Variants in CTNNA2 observed in about 807,000 individuals in gnomAD.
CTNNA2 encodes catenin alpha 2, also known as catenin alpha-2.
CTNNA2 carries 42 observed loss-of-function variants against 101.0 expected under a neutral mutation model. The ratio of observed to expected loss-of-function variants is 0.42; its 90% CI spans 0.32 to 0.54. The LOEUF (loss-of-function observed/expected upper bound fraction) is 0.54. Ranked by LOEUF, CTNNA2 falls within the 20% of genes least tolerant of loss-of-function variation. The pLI, the probability that CTNNA2 is intolerant of heterozygous loss-of-function variation, is 0.14. For missense variants in CTNNA2, 871 were observed against 1,223.1 expected, an observed-to-expected ratio of 0.71 and a Z score of 4.29; for synonymous variants, 450 against 456.4, an observed-to-expected ratio of 0.99 and a Z score of 0.18.
chr2:79,967,021 C>T (rs1690115482), intron 7 of CTNNA2, among the ~76,000 whole-genome samples: 1 of 151,966 alleles, frequency 6.6e-6, no homozygotes, highest in African/African-American at 2.4e-5. Flanking sequence ...GTTTCCAAGG[C>T]TGTAAATTCC....
intron 2 of CTNNA2, among the ~76,000 whole-genome samples, chr2:79,265,075 C>T (rs1232705368): frequency 2.0e-5 from 3 of 152,146 alleles, no homozygotes; most frequent in Non-Finnish European, 4.4e-5. Context: ...TATTAACATG[C>T]TTCCAGTGTA....
chr2:80,619,244 T>C lies in CTNNA2; in HGVS notation c.2574+16T>C. 1.3e-6 allele frequency: 2 copies of C among 1,520,946 alleles called. No individual in the cohort carries two copies. Among genetic ancestry groups the C allele is most frequent in the South Asian group, 1.3e-5 (1 of 76,758 alleles). The allele number at this position is 1,520,946 out of a possible 1,614,324, so 94.2% of individuals were successfully genotyped here. A position where few individuals can be genotyped will look rare whatever the true frequency, so the allele number is the denominator to read the frequency against. Reference sequence around the variant, plus strand: ...TTCCTCCATGGTGAGTAAATTGACTTTCTAATCTAATGTCTTTCATTGTAA... The same window carrying C: ...TTCCTCCATGGTGAGTAAATTGACTCTCTAATCTAATGTCTTTCATTGTAA... On this transcript the variant is annotated intron_variant, in intron 18 of 18. Transcript: ENST00000402739.
chr2:79,252,181 G>T (rs1051636797), intron 2 of CTNNA2, among the ~76,000 whole-genome samples: 1 of 152,064 alleles, frequency 6.6e-6, no homozygotes, highest in Non-Finnish European at 1.5e-5. Context: ...GAATATAGAG[G>T]TAAAAATGGG....
intron 3 of CTNNA2, among the ~76,000 whole-genome samples, chr2:79,759,047 A>C (rs1238650963): frequency 1.3e-5 from 2 of 152,200 alleles, no homozygotes; most frequent in African/African-American, 2.4e-5. Flanking sequence ...TTGTGGAGCT[A>C]AGCAGACACA....
At chr2:80,364,911 G>A (rs1224087364) in intron 7 of CTNNA2, among the ~76,000 whole-genome samples, 1 of 152,134 alleles carries the variant, frequency 6.6e-6, no homozygotes, top group African/African-American at 2.4e-5. Context: ...GGAGAACAGG[G>A]AAGAAACTCG....
At chr2:79,210,455 C>G (rs534503531) in intron 2 of CTNNA2, among the ~76,000 whole-genome samples, 109 of 152,156 alleles carry the variant, frequency 7.2e-4, no homozygotes, top group African/African-American at 2.4e-3. Flanking sequence ...TCCCCTCCCA[C>G]AGCACACACA....
At chr2:80,212,999 A>G (rs1378116718) in intron 7 of CTNNA2, among the ~76,000 whole-genome samples, 1 of 151,548 alleles carries the variant, frequency 6.6e-6, no homozygotes, top group Admixed American at 6.6e-5. Flanking sequence ...GTTTATTTGC[A>G]CAGAGGTGTT....
At chr2:79,231,586 T>C (rs1674494034) in intron 2 of CTNNA2, among the ~76,000 whole-genome samples, 1 of 152,244 alleles carries the variant, frequency 6.6e-6, no homozygotes, top group South Asian at 2.1e-4. Context: ...TAGATTTCTC[T>C]GGTTCTGGGA....
chr2:79,316,236 T>C (rs1676493211), intron 3 of CTNNA2, among the ~76,000 whole-genome samples: 1 of 152,086 alleles, frequency 6.6e-6, no homozygotes, highest in Admixed American at 6.6e-5. Flanking sequence ...TTGACACCTT[T>C]GTTAAAATCC....
intron 9 of CTNNA2, among the ~76,000 whole-genome samples, chr2:80,444,979 T>A (rs1243851465): frequency 6.6e-6 from 1 of 152,042 alleles, no homozygotes; most frequent in African/African-American, 2.4e-5. Context: ...CAACCAAAAA[T>A]ATATCCACAC....
At chr2:79,469,249 A>C (rs1670972301) in intron 4 of CTNNA2, among the ~76,000 whole-genome samples, 1 of 152,172 alleles carries the variant, frequency 6.6e-6, no homozygotes, top group South Asian at 2.1e-4. Context: ...TACTATAAAC[A>C]CCTCTACGCA....
At chr2:80,197,962 C>T (rs1706938995) in intron 7 of CTNNA2, among the ~76,000 whole-genome samples, 1 of 152,150 alleles carries the variant, frequency 6.6e-6, no homozygotes, top group African/African-American at 2.4e-5. Flanking sequence ...ATGGACATCC[C>T]ACTTCCCCAT....
At chr2:80,298,375 T>A (rs1314067489) in intron 7 of CTNNA2, 1 of 152,236 alleles carries the variant, frequency 6.6e-6, no homozygotes, top group Non-Finnish European at 1.5e-5. Flanking sequence ...AAAACAGATA[T>A]AATTTCTGGT....
At chr2:79,958,622 A>C (rs190881554) in intron 7 of CTNNA2, among the ~76,000 whole-genome samples, 4 of 152,278 alleles carry the variant, frequency 2.6e-5, no homozygotes, top group Non-Finnish European at 5.9e-5. Context: ...GTCTCCTAAC[A>C]CCTTGATTTT....
chr2:80,071,837 T>C (rs1173556311), intron 7 of CTNNA2, among the ~76,000 whole-genome samples: 1 of 152,170 alleles, frequency 6.6e-6, no homozygotes, highest in East Asian at 1.9e-4. Context: ...GTACCACATG[T>C]AATGTCTGCT....
Position 80,366,345 on chromosome 2 carries a change from T to C in CTNNA2, c.1057-26866T>C, listed in dbSNP as rs568647006. On this transcript the variant is annotated intron_variant, in intron 7 of 18. Coordinates refer to ENST00000402739, the MANE Select transcript of CTNNA2 (RefSeq NM_001282597.3). Reference sequence around the variant, plus strand: ...AATCAAGTTAAACAGATTTCTTTTATTTGTCACTGTCAGTGCCTTGATACT... The same window carrying C: ...AATCAAGTTAAACAGATTTCTTTTACTTGTCACTGTCAGTGCCTTGATACT... Among the ~76,000 whole-genome samples, 10 of 152,290 alleles carry C rather than the reference T, an allele frequency of 6.6e-5. No individual in the cohort carries two copies. The East Asian group carries it at 1.7e-3, about 26-fold the overall frequency.
intron 2 of CTNNA2, among the ~76,000 whole-genome samples, chr2:79,249,227 C>T (rs1674738354): frequency 1.3e-5 from 2 of 152,122 alleles, no homozygotes; most frequent in South Asian, 4.1e-4. Context: ...TAAATGTTAG[C>T]TATCATCATA....
intron 18 of CTNNA2, among the ~76,000 whole-genome samples, chr2:80,637,403 GC>G (rs1672991813): frequency 6.6e-6 from 1 of 152,126 alleles, no homozygotes; most frequent in Admixed American, 6.6e-5. Flanking sequence ...TTGAACTCAG[GC>G]TTTAAGTCTA....
intron 13 of CTNNA2, chr2:80,575,249 A>G (rs1418610423): frequency 6.6e-6 from 1 of 152,196 alleles, no homozygotes; most frequent in Non-Finnish European, 1.5e-5. Context: ...GTAGAATGGT[A>G]TCCACACTTG....
Sources: allele counts gnomAD v4.1 joint callset (sites outside exome capture counted in the v4.1 genomes callset), GRCh38; gene constraint gnomAD v4.1.1; transcripts MANE v1.5; gene names NCBI Gene and HGNC (gene_info 2026-07-23, HGNC 2026-07-21).